Variants in BRD10 observed in about 807,000 individuals in gnomAD.
The protein encoded by BRD10 is uncharacterized bromodomain-containing protein 10.
chr9:5,914,995 A>C, the BRD10 span, among the ~76,000 whole-genome samples: 1 of 152,174 alleles, frequency 6.6e-6, no homozygotes, highest in African/African-American at 2.4e-5. Flanking sequence ...CAACAAACAA[A>C]AGAACAAAAC....
chr9:6,007,488 G>C, the BRD10 span: 1 of 1,612,126 alleles, frequency 6.2e-7, no homozygotes, highest in Admixed American at 1.7e-5. Flanking sequence ...GCTGCAGAAA[G>C]GGGGCGGTGA....
chr9:6,007,344 G>T, the BRD10 span: 5 of 1,613,424 alleles, frequency 3.1e-6, no homozygotes, highest in South Asian at 3.3e-5. Context: ...CGTACTGGCC[G>T]CTGGCGAACT....
chr9:5,913,170 T>A, the BRD10 span, among the ~76,000 whole-genome samples: 1 of 152,202 alleles, frequency 6.6e-6, no homozygotes, highest in South Asian at 2.1e-4. Flanking sequence ...CAGTGAAAAT[T>A]TAGACTGATT....
chr9:5,879,293 T>A, the BRD10 span, among the ~76,000 whole-genome samples: 1 of 151,390 alleles, frequency 6.6e-6, no homozygotes, highest in Non-Finnish European at 1.5e-5. Context: ...TGAAACCCCA[T>A]CTCTACTAAA....
At chr9:5,937,228 CAAA>C in the BRD10 span, among the ~76,000 whole-genome samples, 6 of 90,640 alleles carry the variant, frequency 6.6e-5, no homozygotes, top group African/African-American at 8.5e-5. Flanking sequence ...GACTCTGCCT[CAAA>C]AAAAAAAAAA....
the BRD10 span, among the ~76,000 whole-genome samples, chr9:5,939,796 A>T: frequency 6.6e-6 from 1 of 152,232 alleles, no homozygotes; most frequent in South Asian, 2.1e-4. Context: ...TGTGCACTGT[A>T]GGATCATTAC....
the BRD10 span, among the ~76,000 whole-genome samples, chr9:5,991,921 T>C: frequency 6.6e-6 from 1 of 152,164 alleles, no homozygotes; most frequent in Non-Finnish European, 1.5e-5. Flanking sequence ...AAACTCTCCA[T>C]TTTATTCTCA....
chr9:5,970,377 T>C, the BRD10 span, among the ~76,000 whole-genome samples: 1 of 152,140 alleles, frequency 6.6e-6, no homozygotes, highest in South Asian at 2.1e-4. Flanking sequence ...GTGACAGTGT[T>C]GCAAAAGTAA....
At chr9:5,945,557 C>T in the BRD10 span, among the ~76,000 whole-genome samples, 3 of 152,072 alleles carry the variant, frequency 2.0e-5, no homozygotes, top group Admixed American at 2.0e-4. Flanking sequence ...GCATCTATTT[C>T]CTTTCATAAT....
chr9:5,966,357 T>A, the BRD10 span, among the ~76,000 whole-genome samples: 1 of 151,828 alleles, frequency 6.6e-6, no homozygotes, highest in East Asian at 1.9e-4. Flanking sequence ...CAATAAAGGG[T>A]TCTGGGTTAC....
chr9:5,919,883 T>C, the BRD10 span: 233 of 1,613,950 alleles, frequency 1.4e-4, 8 homozygotes, highest in South Asian at 2.4e-3. Context: ...TGGGTCCAAA[T>C]GAAACACTGA....
chr9:5,897,743 G>T, the BRD10 span: 3 of 1,131,364 alleles, frequency 2.7e-6, no homozygotes, highest in Admixed American at 5.1e-5. Flanking sequence ...TCAGATAATT[G>T]CCTCATTATA....
At chr9:5,968,574 T>C in the BRD10 span, 5 of 1,613,958 alleles carry the variant, frequency 3.1e-6, no homozygotes, top group Admixed American at 3.3e-5. Flanking sequence ...TTATCCAAGA[T>C]CATTTTAGCA....
At chr9:5,917,393 G>A in the BRD10 span, among the ~76,000 whole-genome samples, 1 of 152,196 alleles carries the variant, frequency 6.6e-6, no homozygotes, top group South Asian at 2.1e-4. Flanking sequence ...GTGAACAAGA[G>A]GGAGAACAGG....
chr9:5,958,402 C>G, the BRD10 span, among the ~76,000 whole-genome samples: 2 of 151,992 alleles, frequency 1.3e-5, no homozygotes, highest in South Asian at 4.2e-4. Context: ...TTTCTTATTC[C>G]TCATTCTTTA....
chr9:5,885,309 C>T, the BRD10 span, among the ~76,000 whole-genome samples: 519 of 152,298 alleles, frequency 3.4e-3, 3 homozygotes, highest in African/African-American at 0.011. Context: ...ACAGGGAATT[C>T]GCAGAAGCAC....
chr9:5,920,182 G>C, the BRD10 span: 5 of 1,613,988 alleles, frequency 3.1e-6, no homozygotes, highest in African/African-American at 1.3e-5. Context: ...TCTGGGCAGA[G>C]TTATCTATTG....
the BRD10 span, among the ~76,000 whole-genome samples, chr9:5,990,250 T>C: frequency 6.6e-6 from 1 of 152,204 alleles, no homozygotes; most frequent in African/African-American, 2.4e-5. Flanking sequence ...GGGTGTACTT[T>C]AATTTATTTT....
the BRD10 span, among the ~76,000 whole-genome samples, chr9:5,942,042 T>C: frequency 2.3e-4 from 35 of 152,182 alleles, no homozygotes; most frequent in African/African-American, 7.9e-4. Context: ...AATATTATAA[T>C]GGAATATATC....
Sources: allele counts gnomAD v4.1 joint callset (sites outside exome capture counted in the v4.1 genomes callset), GRCh38; gene constraint gnomAD v4.1.1; transcripts MANE v1.5; gene names NCBI Gene and HGNC (gene_info 2026-07-23, HGNC 2026-07-21).